Variants in PLXNC1 observed in about 807,000 individuals in gnomAD.
PLXNC1 encodes the protein plexin C1, also known as plexin-C1.
A neutral mutation model predicts 178.2 loss-of-function variants in PLXNC1; 75 were observed. The ratio of observed to expected loss-of-function variants is 0.42; its 90% CI spans 0.35 to 0.51. The LOEUF (loss-of-function observed/expected upper bound fraction) is 0.51, where lower values mean the gene tolerates loss of function less well. Ranked by LOEUF, PLXNC1 falls within the 20% of genes least tolerant of loss-of-function variation. The probability of loss-of-function intolerance (pLI) is 0.02; values close to 1 mark genes in which losing one functional copy is unlikely to be tolerated. For missense variants in PLXNC1, 1,503 were observed against 1,984.4 expected (o/e 0.76, Z 4.61); for synonymous variants, 790 against 779.9 (o/e 1.01, Z -0.22).
In PLXNC1 at chr12:94,297,428, A is replaced by G; in HGVS notation, c.4074+5A>G. On this transcript the variant is annotated splice_donor_5th_base_variant and intron_variant, in intron 26 of 30. Coordinates refer to ENST00000258526, the MANE Select transcript of PLXNC1 (RefSeq NM_005761.3). ...ACAAAGCTGCTGTCGACCAAGGTAC[A>G]CTTACTGTTCTGGGAGCACTTTATG... is the stretch of plus-strand genomic sequence containing the variant. 2 of 1,603,012 alleles carry G rather than the reference A, an allele frequency of 1.2e-6. No homozygotes were observed. The highest frequency in any genetic ancestry group is 8.5e-7 in the Non-Finnish European group (1 of 1,170,850).
chr12:94,305,468 T>A lies in PLXNC1; in HGVS notation c.*183T>A. 1.8e-6 allele frequency: 1 copy of A among 557,256 alleles called. No homozygotes were observed. Among genetic ancestry groups the A allele is most frequent in the East Asian group, 2.9e-5 (1 of 34,276 alleles). The allele number at this position is 557,256 out of a possible 1,614,324, so 34.5% of individuals were successfully genotyped here. On this transcript the variant is annotated 3_prime_UTR_variant, in exon 31 of 31. Coordinates refer to ENST00000258526, the MANE Select transcript of PLXNC1 (RefSeq NM_005761.3). ...GAAAGCATACCAACCCTTGTGCCTG[T>A]GTGTATACCGTGGGAACCCTTCTGT...
At chr12:94,293,765 T>G (rs1186981924) in intron 23 of PLXNC1, among the ~76,000 whole-genome samples, 3 of 152,146 alleles carry the variant, frequency 2.0e-5, no homozygotes, top group Non-Finnish European at 4.4e-5. Context: ...ACTACAGGTG[T>G]GCACCAATGC....
At chr12:94,175,338 T>G (rs947858788) in intron 2 of PLXNC1, among the ~76,000 whole-genome samples, 6 of 152,244 alleles carry the variant, frequency 3.9e-5, no homozygotes, top group Admixed American at 2.0e-4. Context: ...GCATAAAATA[T>G]TATAGCTTTT....
chr12:94,215,695 A>G (rs1565814077), intron 5 of PLXNC1, among the ~76,000 whole-genome samples: 1 of 152,148 alleles, frequency 6.6e-6, no homozygotes, highest in Non-Finnish European at 1.5e-5. Context: ...TAAAGAACAG[A>G]TATCATAAAA....
intron 12 of PLXNC1, among the ~76,000 whole-genome samples, 177 bp downstream of exon 12, chr12:94,244,202 A>G (rs1964468194): frequency 6.6e-6 from 1 of 152,228 alleles, no homozygotes; most frequent in Admixed American, 6.5e-5. Flanking sequence ...TTATCCTTGT[A>G]GCTGAGTATT....
At chr12:94,186,025 T>G (rs1261234358) in intron 3 of PLXNC1, 1 of 217,850 alleles carries the variant, frequency 4.6e-6, no homozygotes, top group Non-Finnish European at 9.6e-6. Flanking sequence ...GGAGGAGTGC[T>G]TTGAGCCCAG....
chr12:94,211,227 G>T (rs1963460100), intron 5 of PLXNC1, among the ~76,000 whole-genome samples: 1 of 152,128 alleles, frequency 6.6e-6, no homozygotes, highest in Non-Finnish European at 1.5e-5. Flanking sequence ...TCCCACTGTG[G>T]TTTACCCTAA....
rs1424411854 is a variant in PLXNC1 at position 94,260,517 on chromosome 12, A to G, written c.3252-125A>G. ...GGTTAGAATCTAAACATTAAAAAAA[A>G]AAAAAAAAAAGCTCCCAACCCAACA... On this transcript the variant is annotated intron_variant, in intron 19 of 30. Transcript: ENST00000258526. The surrounding 1 kb of genome is among the most constrained non-coding windows in gnomAD (Gnocchi z 4.4). 2 of 598,228 alleles carry G rather than the reference A, an allele frequency of 3.3e-6. No homozygotes were observed. Among genetic ancestry groups the G allele is most frequent in the African/African-American group, 3.8e-5 (2 of 52,078 alleles). The allele number at this position is 598,228 out of a possible 1,614,324, so 37.1% of individuals were successfully genotyped here. A position where few individuals can be genotyped will look rare whatever the true frequency, so the allele number is the denominator to read the frequency against.
chr12:94,183,259 C>A (rs74363076), intron 3 of PLXNC1, among the ~76,000 whole-genome samples: 1 of 152,180 alleles, frequency 6.6e-6, no homozygotes, highest in Non-Finnish European at 1.5e-5. Context: ...CTTATAAAGA[C>A]GATACTGTTC....
intron 21 of PLXNC1, among the ~76,000 whole-genome samples, chr12:94,270,597 C>T (rs780657483): frequency 2.6e-5 from 4 of 152,114 alleles, no homozygotes; most frequent in Non-Finnish European, 5.9e-5. Context: ...CACCCCCACC[C>T]CCAACCCTGC....
intron 30 of PLXNC1, among the ~76,000 whole-genome samples, chr12:94,304,805 A>C (rs1968834359): frequency 6.6e-6 from 1 of 152,164 alleles, no homozygotes; most frequent in Non-Finnish European, 1.5e-5. Context: ...GAAGGGAAGG[A>C]TCTGTCTCTG....
intron 4 of PLXNC1, among the ~76,000 whole-genome samples, chr12:94,194,755 A>G (rs1462693711): frequency 3.3e-5 from 5 of 150,976 alleles, no homozygotes; most frequent in Non-Finnish European, 5.9e-5. Context: ...CCTTGTCTCA[A>G]TAATAATAGT....
At chr12:94,293,632 GTTTA>G (rs1236163049) in intron 23 of PLXNC1, among the ~76,000 whole-genome samples, 1 of 152,130 alleles carries the variant, frequency 6.6e-6, no homozygotes, top group Non-Finnish European at 1.5e-5. Flanking sequence ...TTCCTCCTCT[GTTTA>G]GAGACAAGGT....
chr12:94,208,412 C>G (rs1371336351), intron 4 of PLXNC1, among the ~76,000 whole-genome samples: 2 of 151,984 alleles, frequency 1.3e-5, no homozygotes, highest in African/African-American at 4.8e-5. Flanking sequence ...AGCCATGAGG[C>G]CTAAATTCTT....
At chr12:94,258,378 T>G (rs1438042308) in intron 17 of PLXNC1, among the ~76,000 whole-genome samples, 1 of 152,124 alleles carries the variant, frequency 6.6e-6, no homozygotes. Context: ...CTTGCAGATT[T>G]GAAACTATGA....
intron 24 of PLXNC1, among the ~76,000 whole-genome samples, chr12:94,295,550 G>C (rs767854731): frequency 2.6e-5 from 4 of 152,122 alleles, no homozygotes; most frequent in African/African-American, 4.8e-5. Context: ...ACTGCTGCTA[G>C]TTTCCATTCA....
In PLXNC1 at chr12:94,149,647, T is replaced by C; in HGVS notation, c.676T>C (p.Cys226Arg). The change falls in exon 1 of 31, where the codon TGC (cysteine) becomes CGC (arginine). Residue 226 changes from cysteine (C) to arginine (R), a missense_variant. Physicochemically the swap from Cys to Arg is radical, Grantham distance 180 (BLOSUM62 -3). Around this residue, in one of 4 missense-constraint regions of PLXNC1, gnomAD observed 615 missense variants for 698.6 expected, o/e 0.88. Transcript: ENST00000258526. ...ATQELGRLKL[C>R]EGAGSLHFVD... ...GCAGGAGCTGGGGCGCCTCAAGCTGTGCGAGGGCGCGGGCAGCCTGCACTT... is the reference window on the plus strand; with the variant it reads ...GCAGGAGCTGGGGCGCCTCAAGCTGCGCGAGGGCGCGGGCAGCCTGCACTT... 6.2e-7 allele frequency: 1 copy of C among 1,602,990 alleles called. No homozygotes were observed. Among genetic ancestry groups the C allele is most frequent in the Middle Eastern group, 1.7e-4 (1 of 6,046 alleles).
At chr12:94,240,425 G>C (rs1964356906) in intron 10 of PLXNC1, 60 bp from the exon 11 acceptor site, 1 of 1,275,464 alleles carries the variant, frequency 7.8e-7, no homozygotes, top group Non-Finnish European at 1.1e-6. Flanking sequence ...TGTCACCTTG[G>C]GTAATCAACT....
intron 21 of PLXNC1, among the ~76,000 whole-genome samples, chr12:94,271,489 G>A (rs1965567524): frequency 6.6e-6 from 1 of 152,360 alleles, no homozygotes; most frequent in East Asian, 1.9e-4. Flanking sequence ...AACCGGTAGT[G>A]AAAGGGGAAT....
Sources: gnomAD v4.1 joint callset for allele counts (sites outside exome capture counted in the v4.1 genomes callset) on GRCh38, gnomAD v4.1.1 for gene constraint, gnomAD v4.1.1 regional missense constraint, Gnocchi (gnomAD v3.1) non-coding constraint, MANE v1.5 for transcripts, NCBI Gene and HGNC (gene_info 2026-07-23, HGNC 2026-07-21) for gene names.